DCDC2: variants seen among roughly 807,000 people sequenced by gnomAD.
DCDC2 encodes doublecortin domain containing 2.
DCDC2 carries 40 observed loss-of-function variants against 50.2 expected under a neutral mutation model. The ratio of observed to expected loss-of-function variants is 0.80; its 90% CI spans 0.62 to 1.04. The LOEUF is 1.04. DCDC2 is among the 50% of genes least tolerant of loss of function. The pLI, the probability that DCDC2 is intolerant of heterozygous loss-of-function variation, is 0.00. For missense variants in DCDC2, 570 were observed against 581.9 expected, an observed-to-expected ratio of 0.98 and a Z score of 0.21; for synonymous variants, 234 against 210.6, an observed-to-expected ratio of 1.11 and a Z score of -0.96.
chr6:24,214,487 T>TG (rs1761935529), intron 7 of DCDC2, among the ~76,000 whole-genome samples: 1 of 144 alleles, frequency 6.9e-3, no homozygotes, highest in African/African-American at 0.015. Context: ...ATATGTATAA[T>TG]AATGCTTATT....
intron 8 of DCDC2, among the ~76,000 whole-genome samples, chr6:24,198,314 A>G (rs552089025): frequency 6.6e-6 from 1 of 152,156 alleles, no homozygotes; most frequent in African/African-American, 2.4e-5. Flanking sequence ...GGCTCATCTC[A>G]TTGGGACTGG....
chr6:24,216,147 A>G (rs886772702), intron 7 of DCDC2, among the ~76,000 whole-genome samples: 2 of 152,186 alleles, frequency 1.3e-5, no homozygotes, highest in African/African-American at 4.8e-5. Context: ...TAATTAGAAT[A>G]AAGTTCCAAG....
chr6:24,238,581 G>A (rs1490521750), intron 7 of DCDC2, among the ~76,000 whole-genome samples: 1 of 152,068 alleles, frequency 6.6e-6, no homozygotes, highest in African/African-American at 2.4e-5. Context: ...TTACAGGTGT[G>A]AGCCACTGCA....
chr6:24,242,929 T>A (rs1581607138), intron 7 of DCDC2, among the ~76,000 whole-genome samples: 1 of 149,942 alleles, frequency 6.7e-6, no homozygotes. Flanking sequence ...GCCGATATGC[T>A]CCAGCCTGGG....
chr6:24,363,432 T>C, the DCDC2 span, among the ~76,000 whole-genome samples: 1 of 152,160 alleles, frequency 6.6e-6, no homozygotes, highest in Non-Finnish European at 1.5e-5. Context: ...GCCTGGGAAG[T>C]TGAGGCTGCA....
chr6:24,269,276 T>C, intron 7 of DCDC2, among the ~76,000 whole-genome samples: 1 of 152,228 alleles, frequency 6.6e-6, no homozygotes. Context: ...TCTTTAGTAG[T>C]GTGCTGGTAC....
intron 2 of DCDC2, among the ~76,000 whole-genome samples, chr6:24,303,547 C>A (rs1265800275): frequency 6.6e-6 from 1 of 152,138 alleles, no homozygotes; most frequent in Non-Finnish European, 1.5e-5. Flanking sequence ...ATTCTTCTTG[C>A]GCTTTCTGTC....
chr6:24,381,957 AAAG>A, the DCDC2 span, among the ~76,000 whole-genome samples: 330 of 138,320 alleles, frequency 2.4e-3, 3 homozygotes, highest in African/African-American at 8.6e-3. Context: ...AGAAGGAAAG[AAAG>A]AAGGAAGGAA....
the DCDC2 span, among the ~76,000 whole-genome samples, chr6:24,378,956 G>GAAA: frequency 2.0e-3 from 138 of 67,388 alleles, 1 homozygote; most frequent in African/African-American, 6.9e-3. Context: ...GTCTCATTTG[G>GAAA]AAAAAAAAAA....
intron 6 of DCDC2, among the ~76,000 whole-genome samples, chr6:24,288,037 T>C (rs1016618040): frequency 3.3e-5 from 5 of 152,202 alleles, no homozygotes; most frequent in African/African-American, 9.6e-5. Context: ...GAATTTCACA[T>C]GATATAACCA....
intron 7 of DCDC2, among the ~76,000 whole-genome samples, chr6:24,229,301 A>C (rs970457867): frequency 6.6e-6 from 1 of 152,082 alleles, no homozygotes; most frequent in African/African-American, 2.4e-5. Flanking sequence ...GCCCCCATCC[A>C]TCCTTAGAGC....
chr6:24,301,164 G>A (rs1759363804), intron 4 of DCDC2, among the ~76,000 whole-genome samples: 1 of 151,882 alleles, frequency 6.6e-6, no homozygotes, highest in Non-Finnish European at 1.5e-5. Flanking sequence ...GAGGTCAGGA[G>A]ATCGAGCCCA....
chr6:24,206,310 G>A (rs1364991157), intron 7 of DCDC2, among the ~76,000 whole-genome samples: 1 of 151,986 alleles, frequency 6.6e-6, no homozygotes, highest in Admixed American at 6.6e-5. Flanking sequence ...TGAATGATGA[G>A]GAAGGGCAAT....
At chr6:24,289,052 T>C (rs1464936301) in intron 5 of DCDC2, 146 bp from the exon 6 acceptor site, 2 of 554,766 alleles carry the variant, frequency 3.6e-6, no homozygotes, top group African/African-American at 3.9e-5. Context: ...ACACATACTT[T>C]CCCAATTTCA....
At chr6:24,310,775 ATT>A (rs1367581501) in intron 2 of DCDC2, among the ~76,000 whole-genome samples, 1 of 152,146 alleles carries the variant, frequency 6.6e-6, no homozygotes, top group Non-Finnish European at 1.5e-5. Flanking sequence ...AACATAAGAA[ATT>A]TGTTTTGCAT....
intron 2 of DCDC2, among the ~76,000 whole-genome samples, chr6:24,302,304 A>C (rs978785085): frequency 4.5e-4 from 68 of 151,448 alleles, no homozygotes; most frequent in Admixed American, 1.9e-3. Context: ...GAAAAAAAAA[A>C]AAAACAGAAA....
intron 7 of DCDC2, among the ~76,000 whole-genome samples, chr6:24,219,481 C>T (rs891837797): frequency 2.0e-5 from 3 of 152,226 alleles, no homozygotes; most frequent in Admixed American, 1.3e-4. Flanking sequence ...CCATGCGTTT[C>T]ATGAATTTAC....
chr6:24,299,820 G>C (rs1350905003), intron 4 of DCDC2, among the ~76,000 whole-genome samples: 1 of 152,022 alleles, frequency 6.6e-6, no homozygotes, highest in Non-Finnish European at 1.5e-5. Context: ...TTGAGAGGCT[G>C]AGGCAGGAGA....
intron 2 of DCDC2, among the ~76,000 whole-genome samples, chr6:24,343,051 C>CTTTT (rs11322032): frequency 8.1e-6 from 1 of 124,104 alleles, no homozygotes; most frequent in Non-Finnish European, 1.7e-5. Context: ...GGTAAATATT[C>CTTTT]TTTTTTTTTT....
Sources: allele counts gnomAD v4.1 joint callset (sites outside exome capture counted in the v4.1 genomes callset), GRCh38; gene constraint gnomAD v4.1.1; transcripts MANE v1.5; gene names NCBI Gene and HGNC (gene_info 2026-07-23, HGNC 2026-07-21).